Variants in LEKR1 observed in about 807,000 individuals in gnomAD.
The protein encoded by LEKR1 is leucine, glutamate and lysine rich 1.
LEKR1 carries 59 observed loss-of-function variants against 72.4 expected under a neutral mutation model. The ratio of observed to expected loss-of-function variants is 0.82; its 90% CI spans 0.66 to 1.01. The LOEUF is 1.01. Ranked by LOEUF, LEKR1 falls within the 50% of genes least tolerant of loss-of-function variation. The pLI, the probability that LEKR1 is intolerant of heterozygous loss-of-function variation, is 0.00. For missense variants in LEKR1, 728 were observed against 759.2 expected (o/e 0.96, Z 0.48); for synonymous variants, 257 against 263.2 (o/e 0.98, Z 0.23).
chr3:156,850,083 C>T (rs1339463956), intron 2 of LEKR1, among the ~76,000 whole-genome samples: 7 of 151,896 alleles, frequency 4.6e-5, no homozygotes, highest in African/African-American at 1.5e-4. Context: ...ACAATCCCAT[C>T]AAAAAGTGGG....
chr3:156,988,370 T>C, intron 7 of LEKR1: 1 of 230,338 alleles, frequency 4.3e-6, no homozygotes, highest in East Asian at 1.1e-4. Context: ...TGCCAGTTTG[T>C]TGGGGAGCTG....
intron 12 of LEKR1, among the ~76,000 whole-genome samples, chr3:157,036,379 G>A (rs1056365948): frequency 6.6e-6 from 1 of 151,924 alleles, no homozygotes; most frequent in Admixed American, 6.6e-5. Context: ...GCAAAAAGAT[G>A]GAGAAAAGAA....
intron 9 of LEKR1, among the ~76,000 whole-genome samples, chr3:156,994,650 G>T (rs1731412543): frequency 6.6e-6 from 1 of 152,158 alleles, no homozygotes; most frequent in Non-Finnish European, 1.5e-5. Context: ...GCATGTGTAA[G>T]CAGAGATAAA....
chr3:156,926,124 G>A (rs2108575048), intron 4 of LEKR1, among the ~76,000 whole-genome samples: 1 of 151,986 alleles, frequency 6.6e-6, no homozygotes, highest in South Asian at 2.1e-4. Context: ...TAATTATTCA[G>A]ATACATTGGA....
chr3:156,861,063 G>A lies in LEKR1; in HGVS notation c.263+8081G>A, dbSNP rs542457880. ...GAGGAGTCTGAGGCATTGGCTGCAG[G>A]GTGTTGGCTTGTTGCTTCCTGAAAC... On this transcript the variant is annotated intron_variant, in intron 3 of 12. Transcript: ENST00000356539. 2.7e-4 allele frequency among the ~76,000 whole-genome samples: 41 copies of A among 152,252 alleles called. 1 individual carries two copies. The highest frequency in any genetic ancestry group is 5.0e-4 in the Non-Finnish European group (34 of 68,016).
intron 2 of LEKR1, among the ~76,000 whole-genome samples, chr3:156,848,524 A>G (rs1355266259): frequency 6.6e-6 from 1 of 152,218 alleles, no homozygotes; most frequent in Non-Finnish European, 1.5e-5. Flanking sequence ...CATATTAGGC[A>G]TAGAATATAT....
intron 3 of LEKR1, among the ~76,000 whole-genome samples, chr3:156,899,540 A>G (rs563550396): frequency 7.1e-6 from 1 of 140,908 alleles, no homozygotes; most frequent in Non-Finnish European, 1.5e-5. Context: ...ACACATATAT[A>G]CATATATACA....
intron 6 of LEKR1, among the ~76,000 whole-genome samples, chr3:156,958,363 C>T (rs1727836034): frequency 6.6e-6 from 1 of 152,120 alleles, no homozygotes; most frequent in South Asian, 2.1e-4. Context: ...TTTAGAAAGA[C>T]TATAGAACTA....
chr3:156,883,214 G>A (rs1216069631), intron 3 of LEKR1, among the ~76,000 whole-genome samples: 1 of 91,058 alleles, frequency 1.1e-5, no homozygotes, highest in Non-Finnish European at 2.1e-5. Context: ...TTTCAGACTT[G>A]CATGGGGCCT....
At chr3:156,920,168 T>A (rs1724058486) in intron 3 of LEKR1, among the ~76,000 whole-genome samples, 1 of 152,162 alleles carries the variant, frequency 6.6e-6, no homozygotes, top group Admixed American at 6.6e-5. Context: ...TTACCTAGCC[T>A]CAGGTATTCT....
intron 6 of LEKR1, among the ~76,000 whole-genome samples, chr3:156,969,035 A>C (rs1728895358): frequency 2.0e-5 from 3 of 152,236 alleles, no homozygotes; most frequent in Non-Finnish European, 2.9e-5. Flanking sequence ...TACTGGGTAC[A>C]TAATGAAATG....
At chr3:156,947,804 A>G (rs1726816555) in intron 6 of LEKR1, among the ~76,000 whole-genome samples, 4 of 151,236 alleles carry the variant, frequency 2.6e-5, no homozygotes, top group Non-Finnish European at 3.0e-5. Flanking sequence ...ACTTATTAGC[A>G]TATTCTTTCA....
chr3:157,006,832 C>A (rs1436626397), intron 9 of LEKR1, among the ~76,000 whole-genome samples: 3 of 151,452 alleles, frequency 2.0e-5, no homozygotes, highest in Admixed American at 6.6e-5. Flanking sequence ...TCTACATATC[C>A]CCAAAATGCA....
At chr3:156,891,645 C>T (rs1165329511) in intron 3 of LEKR1, among the ~76,000 whole-genome samples, 1 of 152,090 alleles carries the variant, frequency 6.6e-6, no homozygotes, top group Admixed American at 6.6e-5. Context: ...ACATAGCTTA[C>T]TTGAAGGGAC....
rs997284195 is a variant in LEKR1 at position 157,027,989 on chromosome 3, C to T, written c.1369-114C>T. 4 of 636,136 alleles carry T rather than the reference C, an allele frequency of 6.3e-6. No individual in the cohort carries two copies. In the African/African-American group the frequency reaches 7.5e-5, roughly 12 times the overall value. The allele number at this position is 636,136 out of a possible 1,614,324, so 39.4% of individuals were successfully genotyped here. On this transcript the variant is annotated intron_variant, in intron 11 of 12. Transcript: ENST00000356539. ...GGCCTGCACATCATGGGTTTGGTTT[C>T]ATCTGATCAAGTGAGTACACTGATT... is the stretch of plus-strand genomic sequence containing the variant.
chr3:156,831,773 AT>A (rs1712442729), intron 2 of LEKR1, among the ~76,000 whole-genome samples: 1 of 152,096 alleles, frequency 6.6e-6, no homozygotes, highest in Non-Finnish European at 1.5e-5. Context: ...CCCCCTCACG[AT>A]GTGGGAATTG....
intron 3 of LEKR1, among the ~76,000 whole-genome samples, chr3:156,904,734 A>G (rs1214692304): frequency 2.0e-5 from 3 of 151,682 alleles, no homozygotes; most frequent in Non-Finnish European, 4.4e-5. Context: ...CCTGGCCTTA[A>G]GCACACCTCT....
At chr3:156,897,671 G>A (rs1721330534) in intron 3 of LEKR1, among the ~76,000 whole-genome samples, 1 of 152,144 alleles carries the variant, frequency 6.6e-6, no homozygotes, top group African/African-American at 2.4e-5. Flanking sequence ...TAGAAACCGG[G>A]GCCTGGTGTG....
intron 3 of LEKR1, among the ~76,000 whole-genome samples, chr3:156,866,236 CACTT>C (rs1480199935): frequency 4.6e-5 from 7 of 152,084 alleles, no homozygotes; most frequent in Admixed American, 2.6e-4. Flanking sequence ...AAAGGCCAGA[CACTT>C]ACTTTCTAAA....
Sources: gnomAD v4.1 joint callset for allele counts (sites outside exome capture counted in the v4.1 genomes callset) on GRCh38, gnomAD v4.1.1 for gene constraint, MANE v1.5 for transcripts, NCBI Gene and HGNC (gene_info 2026-07-23, HGNC 2026-07-21) for gene names.